COL25A1: variants seen among roughly 807,000 people sequenced by gnomAD.
COL25A1 encodes the protein collagen alpha-1(XXV) chain.
In COL25A1, 103 loss-of-function variants were observed where a neutral mutation model predicts 128.4. The observed-to-expected ratio is 0.80, with a 90% CI of 0.68 to 0.94. The LOEUF is 0.94. Among genes scored for constraint, COL25A1 ranks in the 40% least tolerant of loss-of-function variants. The probability of loss-of-function intolerance (pLI) is 0.00; values close to 1 mark genes in which losing one functional copy is unlikely to be tolerated. For missense variants in COL25A1, 745 were observed against 840.0 expected, an observed-to-expected ratio of 0.89 and a Z score of 1.40; for synonymous variants, 279 against 277.2, an observed-to-expected ratio of 1.01 and a Z score of -0.06.
rs189484179 is a variant in COL25A1, at chr4:108,841,369, A to T, written c.1656+326T>A. Among the ~76,000 whole-genome samples the T allele has an allele frequency of 1.5e-4, 22 of 148,570 alleles. No individual in the cohort carries two copies. In the East Asian group the frequency reaches 4.2e-3, roughly 29 times the overall value. On this transcript the variant is annotated intron_variant, in intron 31 of 37. Transcript: ENST00000399132. Reference sequence around the variant, plus strand: ...AAATATACAGTTAGAGACACCATTAAAAAAAAGCATCTAGACTAGTCTGAG... The same window carrying T: ...AAATATACAGTTAGAGACACCATTATAAAAAAGCATCTAGACTAGTCTGAG...
intron 3 of COL25A1, among the ~76,000 whole-genome samples, chr4:109,249,578 C>A (rs1053151434): frequency 8.6e-5 from 13 of 151,248 alleles, no homozygotes; most frequent in Non-Finnish European, 1.2e-4. Context: ...TCAATAAGAC[C>A]GAACATAGCA....
intron 3 of COL25A1, among the ~76,000 whole-genome samples, chr4:109,243,406 C>T: frequency 6.6e-6 from 1 of 151,970 alleles, no homozygotes; most frequent in Middle Eastern, 3.4e-3. Context: ...TCTGTAGGAC[C>T]AGATAGTTAC....
intron 3 of COL25A1, among the ~76,000 whole-genome samples, chr4:109,126,009 G>A (rs1768564554): frequency 6.6e-6 from 1 of 151,954 alleles, no homozygotes; most frequent in Admixed American, 6.6e-5. Context: ...AAGCCACAAA[G>A]CTTTTTACTC....
intron 6 of COL25A1, among the ~76,000 whole-genome samples, chr4:108,994,156 C>T (rs1339713342): frequency 6.6e-6 from 1 of 152,332 alleles, no homozygotes; most frequent in African/African-American, 2.4e-5. Context: ...AGGGGCATCG[C>T]CTCATCCAGG....
At chr4:108,989,380 AG>A (rs1227765543) in intron 6 of COL25A1, among the ~76,000 whole-genome samples, 2 of 152,150 alleles carry the variant, frequency 1.3e-5, no homozygotes, top group Non-Finnish European at 1.5e-5. Context: ...TTTTTCAAGT[AG>A]CCCCATAGCT....
rs62313742 is a variant in COL25A1 at position 109,165,580 on chromosome 4, G to A, written c.368-115401C>T. Reference sequence around the variant, plus strand: ...GAAATTTTAAAAGTTAGCTGTGTGTGGTGGGGCACACCTGTAATCCCAGCT... The same window carrying A: ...GAAATTTTAAAAGTTAGCTGTGTGTAGTGGGGCACACCTGTAATCCCAGCT... On this transcript the variant is annotated intron_variant, in intron 3 of 37. Transcript: ENST00000399132. Among the ~76,000 whole-genome samples, 683 of 152,222 alleles carry A rather than the reference G, an allele frequency of 4.5e-3. 2 individuals carry two copies. The highest frequency in any genetic ancestry group is 0.016 in the East Asian group (84 of 5,174).
intron 3 of COL25A1, among the ~76,000 whole-genome samples, chr4:109,188,775 T>C (rs1219933564): frequency 1.3e-5 from 2 of 152,084 alleles, no homozygotes; most frequent in Non-Finnish European, 2.9e-5. Flanking sequence ...ATCTAAACAT[T>C]ATCTGCCATG....
At chr4:108,991,215 TTG>T (rs1462780060) in intron 6 of COL25A1, among the ~76,000 whole-genome samples, 11 of 152,170 alleles carry the variant, frequency 7.2e-5, no homozygotes, top group Admixed American at 7.2e-4. Context: ...TCAGGCAGAA[TTG>T]AGAGGAATAT....
At chr4:108,961,733 C>T (rs17597883) in intron 8 of COL25A1, among the ~76,000 whole-genome samples, 1,705 of 152,144 alleles carry the variant, frequency 0.011, 16 homozygotes, top group Middle Eastern at 0.044. Flanking sequence ...CTTTAGCAGT[C>T]CCGGAAATAT....
At chr4:109,117,414 T>A (rs190168081) in intron 3 of COL25A1, among the ~76,000 whole-genome samples, 45 of 152,080 alleles carry the variant, frequency 3.0e-4, no homozygotes, top group African/African-American at 1.0e-3. Flanking sequence ...CTCTGTGAAA[T>A]TATTCTTCAT....
intron 3 of COL25A1, among the ~76,000 whole-genome samples, chr4:109,223,846 A>G (rs533329170): frequency 1.3e-5 from 2 of 152,316 alleles, no homozygotes; most frequent in African/African-American, 4.8e-5. Context: ...AGAACCAGGC[A>G]TAGCATACAA....
At chr4:109,021,412 C>T (rs1757748825) in intron 5 of COL25A1, among the ~76,000 whole-genome samples, 2 of 152,140 alleles carry the variant, frequency 1.3e-5, no homozygotes, top group African/African-American at 4.8e-5. Flanking sequence ...CCTAATAATA[C>T]TCTAATAATT....
At chr4:109,295,535 C>A (rs2126288873) in intron 3 of COL25A1, among the ~76,000 whole-genome samples, 1 of 152,106 alleles carries the variant, frequency 6.6e-6, no homozygotes, top group African/African-American at 2.4e-5. Flanking sequence ...ACATTATTAT[C>A]CCCTTACTTG....
intron 12 of COL25A1, among the ~76,000 whole-genome samples, chr4:108,920,300 G>A (rs905738537): frequency 6.6e-6 from 1 of 152,096 alleles, no homozygotes; most frequent in Admixed American, 6.5e-5. Flanking sequence ...TTTAAATTTT[G>A]TCATGTTTTA....
chr4:109,086,917 G>A (rs1294984596), intron 3 of COL25A1, among the ~76,000 whole-genome samples: 1 of 152,162 alleles, frequency 6.6e-6, no homozygotes, highest in African/African-American at 2.4e-5. Context: ...TGATAGGACT[G>A]CTGACATGGA....
At chr4:109,179,243 T>C (rs988815289) in intron 3 of COL25A1, among the ~76,000 whole-genome samples, 1 of 152,126 alleles carries the variant, frequency 6.6e-6, no homozygotes, top group African/African-American at 2.4e-5. Flanking sequence ...GAGAAGCACA[T>C]CCACTATTGA....
At chr4:108,978,161 T>C (rs1372044168) in intron 6 of COL25A1, among the ~76,000 whole-genome samples, 4 of 152,252 alleles carry the variant, frequency 2.6e-5, no homozygotes, top group Non-Finnish European at 4.4e-5. Context: ...TAAATATTGC[T>C]GCCTCAAAAG....
intron 3 of COL25A1, among the ~76,000 whole-genome samples, chr4:109,239,420 A>ATATATATATATATATG (rs1553965400): frequency 8.0e-6 from 1 of 124,362 alleles, no homozygotes. Flanking sequence ...ATATATATAT[A>ATATATATATATATATG]TATTTATTTA....
At chr4:108,898,386 C>A (rs1031978664) in intron 15 of COL25A1, among the ~76,000 whole-genome samples, 12 of 152,116 alleles carry the variant, frequency 7.9e-5, no homozygotes, top group African/African-American at 2.9e-4. Context: ...GTCAGAAAGA[C>A]CATATCACTT....
Sources: allele counts gnomAD v4.1 joint callset (sites outside exome capture counted in the v4.1 genomes callset), GRCh38; gene constraint gnomAD v4.1.1; transcripts MANE v1.5; gene names NCBI Gene and HGNC (gene_info 2026-07-23, HGNC 2026-07-21).